Variants in ERAP1 observed in about 807,000 individuals in gnomAD.
The protein encoded by ERAP1 is adipocyte-derived leucine aminopeptidase.
A neutral mutation model predicts 103.7 loss-of-function variants in ERAP1; 86 were observed. That is an observed-to-expected ratio of 0.83 (90% confidence interval 0.70 to 0.99). The LOEUF (loss-of-function observed/expected upper bound fraction) is 0.99. Among genes scored for constraint, ERAP1 ranks in the 50% least tolerant of loss-of-function variants. The pLI is 0.00. For synonymous variants in ERAP1, 398 were observed against 402.4 expected (o/e 0.99, Z 0.13); for missense variants, 1,009 against 1,128.4 (o/e 0.89, Z 1.52).
chr5:96,811,104 A>AT (rs1473946907), upstream of ERAP1, among the ~76,000 whole-genome samples: 2 of 151,902 alleles, frequency 1.3e-5, no homozygotes, highest in African/African-American at 4.9e-5. Context: ...TTAAATGCCA[A>AT]TTTAAAAAAA....
chr5:96,880,695 GA>G, the ERAP1 span, among the ~76,000 whole-genome samples: 35,756 of 152,052 alleles, frequency 0.24, 4,883 homozygotes, highest in East Asian at 0.46. Context: ...CGAATAGTCA[GA>G]AACAAGGAAC....
the ERAP1 span, among the ~76,000 whole-genome samples, chr5:96,887,026 C>T: frequency 4.1e-5 from 6 of 147,546 alleles, no homozygotes; most frequent in Non-Finnish European, 8.9e-5. Flanking sequence ...TATGGGTGTA[C>T]ATAGTAACAG....
At chr5:96,821,341 A>G in the ERAP1 span, among the ~76,000 whole-genome samples, 1 of 152,250 alleles carries the variant, frequency 6.6e-6, no homozygotes, top group Non-Finnish European at 1.5e-5. Context: ...ATATAAAATT[A>G]ACCATCTCAA....
chr5:96,846,500 C>T, the ERAP1 span, among the ~76,000 whole-genome samples: 1 of 152,162 alleles, frequency 6.6e-6, no homozygotes, highest in Non-Finnish European at 1.5e-5. Context: ...AATGTTCTGC[C>T]AAGTTTGAGA....
At chr5:96,882,752 C>A in the ERAP1 span, among the ~76,000 whole-genome samples, 8 of 152,186 alleles carry the variant, frequency 5.3e-5, no homozygotes, top group Non-Finnish European at 1.2e-4. Flanking sequence ...AACCTTGAGG[C>A]CACAAGTGAA....
At chr5:96,763,269 G>T in intron 19 of ERAP1, 2 of 780,522 alleles carry the variant, frequency 2.6e-6, no homozygotes, top group Non-Finnish European at 4.8e-6. Flanking sequence ...GCCCAGACCT[G>T]GCCCCGGGCA....
the ERAP1 span, among the ~76,000 whole-genome samples, chr5:96,818,529 A>G: frequency 6.7e-6 from 1 of 149,540 alleles, no homozygotes; most frequent in East Asian, 1.9e-4. Flanking sequence ...AATAACCCCA[A>G]AGAAGAAAGA....
the ERAP1 span, among the ~76,000 whole-genome samples, chr5:96,843,501 T>A: frequency 3.9e-5 from 6 of 152,220 alleles, no homozygotes; most frequent in Admixed American, 6.5e-5. Flanking sequence ...CAGTTTTTCA[T>A]CTGCCATGCA....
chr5:96,785,612 C>T, intron 13 of ERAP1, 176 bp downstream of exon 13: 2 of 672,370 alleles, frequency 3.0e-6, no homozygotes, highest in Non-Finnish European at 5.3e-6. Context: ...TTAGTAGTCA[C>T]AGACAGGAGG....
chr5:96,838,102 C>T, the ERAP1 span, among the ~76,000 whole-genome samples: 1 of 152,072 alleles, frequency 6.6e-6, no homozygotes. Context: ...AACATTTGAG[C>T]GGGAAAACGG....
chr5:96,860,959 C>G, the ERAP1 span, among the ~76,000 whole-genome samples: 2 of 150,800 alleles, frequency 1.3e-5, no homozygotes, highest in Non-Finnish European at 1.5e-5. Flanking sequence ...GCTTTCTTTT[C>G]TTTCTTTTTT....
chr5:96,783,806 T>G, intron 14 of ERAP1, 118 bp downstream of exon 14: 1 of 1,020,972 alleles, frequency 9.8e-7, no homozygotes, highest in Admixed American at 2.4e-5. Flanking sequence ...TTCCTTAATA[T>G]GTATATAAAG....
At chr5:96,796,174 A>G (rs1270551009) in intron 4 of ERAP1, among the ~76,000 whole-genome samples, 1 of 152,188 alleles carries the variant, frequency 6.6e-6, no homozygotes, top group Non-Finnish European at 1.5e-5. Flanking sequence ...GAGGAACACA[A>G]AGCAATTCAG....
chr5:96,874,442 C>G, the ERAP1 span, among the ~76,000 whole-genome samples: 1 of 152,220 alleles, frequency 6.6e-6, no homozygotes, highest in Non-Finnish European at 1.5e-5. Flanking sequence ...GAAATACTCC[C>G]AGCCTCCTAT....
chr5:96,783,113 C>T lies in ERAP1; in HGVS notation c.2223G>A (p.Gln741=). Residue 741 remains glutamine (Q), a synonymous_variant, in exon 15 of 19, where the codon CAG becomes CAA. Transcript: ENST00000443439. ...AGCCTTCTGCCCTCTGTACGCACGG[C>T]TGATAGTTGTGCACACAGGCGAGGA... The part of the protein sequence containing the change: ...LLLLACVHNY[Q]PCVQRAEGYF... 1.2e-6 allele frequency: 2 copies of T among 1,614,192 alleles called. No homozygotes were observed. Among genetic ancestry groups the T allele is most frequent in the Non-Finnish European group, 1.7e-6 (2 of 1,180,048 alleles).
downstream of ERAP1, among the ~76,000 whole-genome samples, chr5:96,771,204 T>G (rs146805545): frequency 2.2e-4 from 34 of 152,306 alleles, no homozygotes; most frequent in African/African-American, 7.9e-4. Flanking sequence ...GTTTAAATAC[T>G]TATTTGCCTA....
the ERAP1 span, among the ~76,000 whole-genome samples, chr5:96,860,765 G>T: frequency 6.6e-6 from 1 of 152,106 alleles, no homozygotes; most frequent in Non-Finnish European, 1.5e-5. Context: ...GTTGGTTGCT[G>T]TTTATCATAT....
At chr5:96,874,136 G>GAAAGAAAGAA in the ERAP1 span, among the ~76,000 whole-genome samples, 14 of 118,780 alleles carry the variant, frequency 1.2e-4, no homozygotes, top group Non-Finnish European at 2.5e-4. Flanking sequence ...GAAAGAGAGA[G>GAAAGAAAGAA]AGAAAGAAAG....
chr5:96,867,080 C>T, the ERAP1 span, among the ~76,000 whole-genome samples: 4 of 151,204 alleles, frequency 2.6e-5, no homozygotes, highest in African/African-American at 9.7e-5. Context: ...AACCTTGGCT[C>T]ACTGCAACCT....
Sources: gnomAD v4.1 joint callset for allele counts (sites outside exome capture counted in the v4.1 genomes callset) on GRCh38, gnomAD v4.1.1 for gene constraint, MANE v1.5 for transcripts, NCBI Gene and HGNC (gene_info 2026-07-23, HGNC 2026-07-21) for gene names.